The following EYS variants were observed in gnomAD, a reference collection of about 807,000 sequenced individuals.
EYS encodes the protein protein eyes shut homolog.
In EYS, 250 loss-of-function variants were observed where a neutral mutation model predicts 282.1. The observed-to-expected ratio is 0.89, with a 90% CI of 0.80 to 0.98. EYS has a LOEUF of 0.98. EYS is among the 50% of genes least tolerant of loss of function. The probability of loss-of-function intolerance (pLI) is 0.00; values close to 1 mark genes in which losing one functional copy is unlikely to be tolerated. For synonymous variants in EYS, 1,355 were observed against 1,282.9 expected (o/e 1.06, Z -1.20); for missense variants, 4,016 against 3,709.0 (o/e 1.08, Z -2.15).
At chr6:63,891,417 C>CAA (rs1278322242) in intron 35 of EYS, among the ~76,000 whole-genome samples, 1 of 152,152 alleles carries the variant, frequency 6.6e-6, no homozygotes, top group East Asian at 1.9e-4. Flanking sequence ...CCCTGGGAGG[C>CAA]AAGGCTGGTT....
chr6:64,045,436 T>TATTTTATTTTA (rs1770577648), intron 33 of EYS, among the ~76,000 whole-genome samples: 1 of 130,884 alleles, frequency 7.6e-6, no homozygotes, highest in Non-Finnish European at 1.5e-5. Flanking sequence ...TATTTTATTT[T>TATTTTATTTTA]ATTTATTTTA....
chr6:64,672,715 A>G (rs1177114382), intron 22 of EYS, among the ~76,000 whole-genome samples: 1 of 152,198 alleles, frequency 6.6e-6, no homozygotes, highest in African/African-American at 2.4e-5. Flanking sequence ...TTTTGAGTAC[A>G]GTAACTGCAC....
intron 31 of EYS, among the ~76,000 whole-genome samples, chr6:64,215,107 T>A (rs1408421286): frequency 6.6e-6 from 1 of 152,002 alleles, no homozygotes; most frequent in Non-Finnish European, 1.5e-5. Flanking sequence ...GAGATCAAAA[T>A]TTGGTTGAGT....
At chr6:64,932,249 A>G (rs1768751570) in intron 15 of EYS, among the ~76,000 whole-genome samples, 1 of 152,030 alleles carries the variant, frequency 6.6e-6, no homozygotes, top group Non-Finnish European at 1.5e-5. Context: ...GGGAGGGGAT[A>G]GTACAGGTAT....
intron 39 of EYS, among the ~76,000 whole-genome samples, chr6:63,786,960 A>ATAGTAAAT (rs1770380776): frequency 6.6e-6 from 1 of 152,168 alleles, no homozygotes; most frequent in Admixed American, 6.5e-5. Flanking sequence ...TTTATAATAA[A>ATAGTAAAT]TAGTAAATGC....
At chr6:65,224,021 A>C (rs190819706) in intron 12 of EYS, among the ~76,000 whole-genome samples, 1 of 152,148 alleles carries the variant, frequency 6.6e-6, no homozygotes, top group Non-Finnish European at 1.5e-5. Context: ...ACCAGTGCAC[A>C]ATGAAGTTGC....
At chr6:64,753,222 G>A (rs1014111911) in intron 22 of EYS, among the ~76,000 whole-genome samples, 1 of 152,038 alleles carries the variant, frequency 6.6e-6, no homozygotes, top group Non-Finnish European at 1.5e-5. Flanking sequence ...AAAACACTAT[G>A]ACAGGAACAG....
chr6:64,738,353 A>C (rs1284464619), intron 22 of EYS, among the ~76,000 whole-genome samples: 1 of 152,212 alleles, frequency 6.6e-6, no homozygotes, highest in Non-Finnish European at 1.5e-5. Context: ...CTTGTGTGAC[A>C]GGTCTGTTCT....
At chr6:64,750,911 C>T (rs1370058747) in intron 22 of EYS, among the ~76,000 whole-genome samples, 1 of 152,182 alleles carries the variant, frequency 6.6e-6, no homozygotes, top group African/African-American at 2.4e-5. Flanking sequence ...TGAGCTGCCC[C>T]TCCCTTCCCA....
At chr6:65,047,656 T>C (rs1292051389) in intron 13 of EYS, among the ~76,000 whole-genome samples, 1 of 151,964 alleles carries the variant, frequency 6.6e-6, no homozygotes, top group East Asian at 1.9e-4. Flanking sequence ...GTCTAACATC[T>C]TCCTATGCAC....
At chr6:64,154,752 T>A (rs1441716484) in intron 31 of EYS, among the ~76,000 whole-genome samples, 2 of 152,158 alleles carry the variant, frequency 1.3e-5, no homozygotes, top group Non-Finnish European at 2.9e-5. Flanking sequence ...TTTCTTGCAG[T>A]CATACTATTT....
chr6:64,061,149 C>T (rs1189787077), intron 33 of EYS, among the ~76,000 whole-genome samples: 1 of 152,102 alleles, frequency 6.6e-6, no homozygotes, highest in African/African-American at 2.4e-5. Flanking sequence ...GGGGAATAGG[C>T]TATGTGCCTT....
rs1218029983 is a variant in EYS, at chr6:63,808,629, T to C, written c.7229-2257A>G. 2.6e-5 allele frequency among the ~76,000 whole-genome samples: 4 copies of C among 152,340 alleles called. No homozygotes were observed. The East Asian group carries it at 7.7e-4, about 29-fold the overall frequency. Reference sequence around the variant, plus strand: ...ATTTAAACAGCTAATGGAAATACATTATCAGTGCAATTTCATGATATAATT... The same window carrying C: ...ATTTAAACAGCTAATGGAAATACATCATCAGTGCAATTTCATGATATAATT... On this transcript the variant is annotated intron_variant, in intron 36 of 42. Coordinates refer to ENST00000503581, the MANE Select transcript of EYS (RefSeq NM_001142800.2).
At chr6:64,076,937 T>C (rs558837624) in intron 32 of EYS, among the ~76,000 whole-genome samples, 7 of 152,098 alleles carry the variant, frequency 4.6e-5, no homozygotes, top group African/African-American at 1.7e-4. Flanking sequence ...GGTGAGAAAC[T>C]AGGGATATAT....
intron 19 of EYS, among the ~76,000 whole-genome samples, chr6:64,841,496 G>T (rs1335775160): frequency 6.6e-6 from 1 of 152,128 alleles, no homozygotes; most frequent in Non-Finnish European, 1.5e-5. Context: ...TGTAGTTGAT[G>T]CTGGGAAGGC....
At chr6:64,013,205 A>G (rs1212316741) in intron 33 of EYS, among the ~76,000 whole-genome samples, 1 of 152,128 alleles carries the variant, frequency 6.6e-6, no homozygotes, top group Non-Finnish European at 1.5e-5. Flanking sequence ...GGGAACATAC[A>G]ACCAGCCATC....
chr6:64,168,814 A>T (rs1185906922), intron 31 of EYS, among the ~76,000 whole-genome samples: 1 of 152,188 alleles, frequency 6.6e-6, no homozygotes, highest in Admixed American at 6.5e-5. Context: ...TTCTAAAATT[A>T]GATTGTGGTG....
intron 29 of EYS, among the ~76,000 whole-genome samples, chr6:64,361,979 A>G (rs1047732305): frequency 6.6e-6 from 1 of 151,744 alleles, no homozygotes; most frequent in African/African-American, 2.4e-5. Context: ...ATAGCTTTAG[A>G]TTGTTTAGTC....
chr6:65,646,628 C>T (rs143507152), intron 1 of EYS, among the ~76,000 whole-genome samples: 3 of 152,252 alleles, frequency 2.0e-5, no homozygotes, highest in East Asian at 3.9e-4. Flanking sequence ...CTAGCATGCC[C>T]ACTTTCACCA....
Sources: gnomAD v4.1 joint callset for allele counts (sites outside exome capture counted in the v4.1 genomes callset) on GRCh38, gnomAD v4.1.1 for gene constraint, MANE v1.5 for transcripts, NCBI Gene and HGNC (gene_info 2026-07-23, HGNC 2026-07-21) for gene names.